The following PTPRB variants were observed in gnomAD, a reference collection of about 807,000 sequenced individuals.
The protein encoded by PTPRB is receptor-type tyrosine-protein phosphatase beta.
A neutral mutation model predicts 238.1 loss-of-function variants in PTPRB; 97 were observed. That is an observed-to-expected ratio of 0.41 (90% CI 0.35 to 0.48). PTPRB has a LOEUF of 0.48. PTPRB is among the 20% of genes least tolerant of loss of function. PTPRB has a pLI of 0.30. For synonymous variants in PTPRB, 970 were observed against 995.4 expected, an observed-to-expected ratio of 0.97 and a Z score of 0.48; for missense variants, 2,292 against 2,681.9, an observed-to-expected ratio of 0.85 and a Z score of 3.21.
intron 2 of PTPRB, among the ~76,000 whole-genome samples, chr12:70,633,709 A>T (rs1472319553): frequency 1.3e-5 from 2 of 152,158 alleles, no homozygotes; most frequent in Non-Finnish European, 2.9e-5. Flanking sequence ...TTAATTGCAA[A>T]TGGCTTATTC....
intron 2 of PTPRB, among the ~76,000 whole-genome samples, chr12:70,631,453 T>G (rs1416477157): frequency 6.6e-6 from 1 of 152,166 alleles, no homozygotes; most frequent in African/African-American, 2.4e-5. Context: ...GACTTAAATG[T>G]TAGACCTAAA....
intron 10 of PTPRB, among the ~76,000 whole-genome samples, chr12:70,578,797 A>T (rs1881061925): frequency 6.6e-6 from 1 of 152,170 alleles, no homozygotes; most frequent in Non-Finnish European, 1.5e-5. Context: ...GTGGCAGAAT[A>T]TGGTTCCCCG....
At position 70,521,044 on chromosome 12, in the gene PTPRB, C is replaced by T. The variant is rs1871600742; in HGVS notation, c.*445G>A. The T allele has an allele frequency of 6.5e-6, 1 of 154,114 alleles. No individual in the cohort carries two copies. The highest frequency in any genetic ancestry group is 1.4e-5 in the Non-Finnish European group (1 of 69,286). The allele number at this position is 154,114 out of a possible 1,614,324, so 9.5% of individuals were successfully genotyped here. Reference sequence around the variant, plus strand: ...TCTCGAGATTCATGGGACAGCAATGCAGCAAATCTAGCCATAGTATTTGCT... The same window carrying T: ...TCTCGAGATTCATGGGACAGCAATGTAGCAAATCTAGCCATAGTATTTGCT... On this transcript the variant is annotated 3_prime_UTR_variant, in exon 34 of 34. Coordinates refer to ENST00000334414, the MANE Select transcript of PTPRB (RefSeq NM_001109754.4).
intron 27 of PTPRB, chr12:70,538,640 G>C: frequency 2.0e-6 from 1 of 492,100 alleles, no homozygotes; most frequent in Non-Finnish European, 3.6e-6. Flanking sequence ...CAGAGCCCTT[G>C]CTGTTAACCC....
rs780802779 is a variant in PTPRB at position 70,555,960 on chromosome 12, G to A, written c.4903C>T (p.Pro1635Ser). The change falls in exon 19 of 34, where the codon CCC becomes TCC. Residue 1635 changes from proline to serine, a missense_variant. By Grantham distance (74) the Pro-to-Ser change is moderately conservative. Around this residue, in one of 4 missense-constraint regions of PTPRB, gnomAD observed 683 missense variants for 862.0 expected, o/e 0.79. Transcript: ENST00000334414. ...KSLLNIMMLV[P>S]HKRYLVSIKV... is the part of the protein sequence containing the mutation. ...ATGGACACCAGGTACCTCTTATGGG[G>A]CACTAGCATCATGATGTTGAGCAGA... 1 of 1,613,932 alleles carries A rather than the reference G, an allele frequency of 6.2e-7. No homozygotes were observed. Among genetic ancestry groups the A allele is most frequent in the Non-Finnish European group, 8.5e-7 (1 of 1,179,876 alleles).
In PTPRB at chr12:70,574,740, C is replaced by T. The variant is rs190735165; in HGVS notation, c.2842+1642G>A. Among the ~76,000 whole-genome samples the T allele has an allele frequency of 2.4e-4, 36 of 152,318 alleles. No homozygotes were observed. In the East Asian group the frequency reaches 6.6e-3, roughly 28 times the overall value. ...CATCAAGAGAACAACTCAGACATGA[C>T]CCTCCAGTTAAACTGATTTGTCAGG... On this transcript the variant is annotated intron_variant, in intron 11 of 33. Coordinates refer to ENST00000334414, the MANE Select transcript of PTPRB (RefSeq NM_001109754.4).
chr12:70,564,025 T>C (rs1016139420), intron 15 of PTPRB, among the ~76,000 whole-genome samples: 3 of 152,204 alleles, frequency 2.0e-5, no homozygotes, highest in Non-Finnish European at 4.4e-5. Flanking sequence ...TCATCCTCGC[T>C]CACTCTGTTC....
rs1874548639 is a variant in PTPRB, at chr12:70,538,635, C to T, written c.5869+289G>A. 8.2e-6 allele frequency: 4 copies of T among 486,870 alleles called. No individual in the cohort carries two copies. The East Asian group carries it at 1.0e-4, about 13-fold the overall frequency. The allele number at this position is 486,870 out of a possible 1,614,324, so 30.2% of individuals were successfully genotyped here. On this transcript the variant is annotated intron_variant, in intron 27 of 33. Coordinates refer to ENST00000334414, the MANE Select transcript of PTPRB (RefSeq NM_001109754.4). ...AACCCAGGTCTGCTTGATGTCAGAG[C>T]CCTTGCTGTTAACCCCATTTACTGC...
intron 5 of PTPRB, 115 bp from the exon 6 acceptor site, chr12:70,594,839 A>G (rs965555840): frequency 8.7e-5 from 111 of 1,270,580 alleles, no homozygotes; most frequent in Non-Finnish European, 1.1e-4. Context: ...TCTTAACTTG[A>G]TAATAGCATT....
In PTPRB at chr12:70,622,591, C is replaced by G; in HGVS notation, c.507G>C (p.Gln169His). Residue 169 changes from glutamine (Q) to histidine (H), a missense_variant, in exon 3 of 34, where the codon CAG becomes CAC. Around this residue, in one of 4 missense-constraint regions of PTPRB, gnomAD observed 1,205 missense variants for 1,287.8 expected, o/e 0.94. Coordinates refer to ENST00000334414, the MANE Select transcript of PTPRB (RefSeq NM_001109754.4). The part of the protein sequence containing the change: ...VRSTRNTAPP[Q>H]ILTTFNAVPD... ...GAACTGCATTAAAGGTAGTGAGAAT[C>G]TGGGGTGGAGCCGTGTTTCTAGTGC... 3.8e-6 allele frequency: 6 copies of G among 1,591,600 alleles called. No individual in the cohort carries two copies. Among genetic ancestry groups the G allele is most frequent in the Non-Finnish European group, 5.1e-6 (6 of 1,168,016 alleles).
chr12:70,594,545 G>A lies in PTPRB; in HGVS notation c.1438C>T (p.Pro480Ser). 6.2e-7 allele frequency: 1 copy of A among 1,613,944 alleles called. No homozygotes were observed. Among genetic ancestry groups the A allele is most frequent in the Non-Finnish European group, 8.5e-7 (1 of 1,179,894 alleles). Residue 480 changes from proline to serine, a missense_variant, in exon 6 of 34, where the codon CCT (proline) becomes TCT (serine). Around this residue, in one of 4 missense-constraint regions of PTPRB, gnomAD observed 1,205 missense variants for 1,287.8 expected, o/e 0.94. Coordinates refer to ENST00000334414, the MANE Select transcript of PTPRB (RefSeq NM_001109754.4). ...ATSYAFHGLTPGYLYNLTVMT... is the reference protein window; with the variant it reads ...ATSYAFHGLTSGYLYNLTVMT... ...ACAGTGAGGTTGTAGAGGTAGCCAG[G>A]GGTCAGCCCGTGAAAAGCATAGGAA...
chr12:70,576,547 C>T lies in PTPRB; in HGVS notation c.2677G>A (p.Glu893Lys). Residue 893 changes from glutamate (E) to lysine (K), a missense_variant, in exon 11 of 34, where the codon GAG becomes AAG. Glu to Lys is a moderately conservative substitution (Grantham distance 56). Transcript: ENST00000334414. ...LLAPGDVDNY[E>K]VTLSHDGKVV... ...TTGCCGTCATGAGACAATGTTACCT[C>T]ATAGTTATCCACATCTCCGGGCGCC... 1.3e-6 allele frequency: 2 copies of T among 1,557,010 alleles called. No individual in the cohort carries two copies. Among genetic ancestry groups the T allele is most frequent in the Non-Finnish European group, 1.7e-6 (2 of 1,149,538 alleles).
intron 4 of PTPRB, among the ~76,000 whole-genome samples, chr12:70,606,795 A>C (rs541043348): frequency 6.6e-6 from 1 of 152,348 alleles, no homozygotes; most frequent in South Asian, 2.1e-4. Flanking sequence ...AATAAATAAC[A>C]ACCGACTAAA....
intron 27 of PTPRB, 56 bp from the exon 28 acceptor site, chr12:70,538,287 A>T (rs1446371994): frequency 7.1e-7 from 1 of 1,412,528 alleles, no homozygotes; most frequent in Non-Finnish European, 9.9e-7. Context: ...AGTTTATGTG[A>T]TGTGTGTGAT....
Position 70,587,000 on chromosome 12 carries a change from T to C in PTPRB, c.2311+7A>G, listed in dbSNP as rs1881980755. On this transcript the variant is annotated splice_region_variant and intron_variant, in intron 9 of 33. Coordinates refer to ENST00000334414, the MANE Select transcript of PTPRB (RefSeq NM_001109754.4). ...CTTTAAAATGTAAAATTTATAAAGG[T>C]TACTACCTGTTCTTCCTTTTACTGA... 2.5e-6 allele frequency: 4 copies of C among 1,609,472 alleles called. No individual in the cohort carries two copies. The highest frequency in any genetic ancestry group is 3.4e-6 in the Non-Finnish European group (4 of 1,176,688).
chr12:70,570,041 G>A (rs1224269727), intron 13 of PTPRB, 103 bp from the exon 14 acceptor site: 16 of 1,051,402 alleles, frequency 1.5e-5, no homozygotes, highest in Non-Finnish European at 1.8e-5. Flanking sequence ...CCCACTGAGA[G>A]AACTCACATG....
At chr12:70,531,812 T>C (rs1022137573) in intron 32 of PTPRB, among the ~76,000 whole-genome samples, 3 of 152,160 alleles carry the variant, frequency 2.0e-5, no homozygotes, top group African/African-American at 7.2e-5. Flanking sequence ...CTTATGCTCA[T>C]CTGCCAGCCT....
chr12:70,524,523 T>C lies in PTPRB; in HGVS notation c.6573A>G (p.Gln2191=). The change falls in exon 33 of 34, where the codon CAA becomes CAG. Residue 2191 remains glutamine, a synonymous_variant. Transcript: ENST00000334414. The stretch of plus-strand genomic sequence containing the variant: ...CATAGATTGGAAACAAGGGGTTTTC[T>C]TGTTCACTCCGTAGCTTTCTTGCTC... ...VLRARKLRSE[Q]ENPLFPIYEN... 1.2e-6 allele frequency: 2 copies of C among 1,613,640 alleles called. No individual in the cohort carries two copies. Among genetic ancestry groups the C allele is most frequent in the Non-Finnish European group, 1.7e-6 (2 of 1,179,614 alleles).
chr12:70,596,245 G>A lies in PTPRB; in HGVS notation c.1062C>T (p.Ser354=), dbSNP rs751771260. The change falls in exon 5 of 34, where the codon TCC becomes TCT. Residue 354 remains serine, a synonymous_variant. Coordinates refer to ENST00000334414, the MANE Select transcript of PTPRB (RefSeq NM_001109754.4). ...GCACCTCATATGAGGTGACTTTTCC[G>A]GAAGAAGGAGTCCACCAAACATGCA... is the stretch of plus-strand genomic sequence containing the variant. ...TSLHVWWTPS[S]GKVTSYEVQL... 1.6e-5 allele frequency: 25 copies of A among 1,612,702 alleles called. No homozygotes were observed. The highest frequency in any genetic ancestry group is 1.6e-4 in the Middle Eastern group (1 of 6,082).
Sources: gnomAD v4.1 joint callset for allele counts (sites outside exome capture counted in the v4.1 genomes callset) on GRCh38, gnomAD v4.1.1 for gene constraint, gnomAD v4.1.1 regional missense constraint, MANE v1.5 for transcripts, NCBI Gene and HGNC (gene_info 2026-07-23, HGNC 2026-07-21) for gene names.